Variants in NCAM1 observed in about 807,000 individuals in gnomAD.
NCAM1 encodes antigen recognized by monoclonal antibody 5.1H11.
A neutral mutation model predicts 109.8 loss-of-function variants in NCAM1; 14 were observed. The ratio of observed to expected loss-of-function variants is 0.13; its 90% CI spans 0.08 to 0.20. NCAM1 has a LOEUF of 0.20. Ranked by LOEUF, NCAM1 falls within the 10% of genes least tolerant of loss-of-function variation. The pLI is 1.00. For missense variants in NCAM1, 774 were observed against 1,109.9 expected, an observed-to-expected ratio of 0.70 and a Z score of 4.30; for synonymous variants, 418 against 442.9, an observed-to-expected ratio of 0.94 and a Z score of 0.70.
intron 1 of NCAM1, among the ~76,000 whole-genome samples, chr11:113,141,237 A>G (rs377598888): frequency 6.6e-6 from 1 of 152,208 alleles, no homozygotes; most frequent in African/African-American, 2.4e-5. Context: ...CTCTGCTGTG[A>G]TGACCTACTC....
rs139639498 is a variant in NCAM1 at position 113,258,857 on chromosome 11, G to A, written c.1954-1289G>A. On this transcript the variant is annotated intron_variant, in intron 16 of 19. Transcript: ENST00000316851. ...AAAGATCATAGTTTTGGGCCCAAAC[G>A]AACTTAGCTCCAGCCTTGACTGCAG... Among the ~76,000 whole-genome samples, 1,044 of 152,176 alleles carry A rather than the reference G, an allele frequency of 6.9e-3. 10 individuals are homozygous for A. Among genetic ancestry groups the A allele is most frequent in the Non-Finnish European group, 9.8e-3 (665 of 68,004 alleles).
chr11:113,236,376 T>C, intron 14 of NCAM1: 3 of 1,576,972 alleles, frequency 1.9e-6, no homozygotes, highest in Non-Finnish European at 2.6e-6. Flanking sequence ...CTAGTTCTAG[T>C]TCGTAATTTA....
intron 1 of NCAM1, among the ~76,000 whole-genome samples, chr11:112,974,811 T>TTGTGTG (rs34881446): frequency 2.0e-5 from 3 of 148,556 alleles, no homozygotes; most frequent in East Asian, 2.0e-4. Flanking sequence ...AGCTTACAGT[T>TTGTGTG]TGTGTGTGTG....
intron 1 of NCAM1, among the ~76,000 whole-genome samples, chr11:113,084,775 T>A (rs901064301): frequency 3.3e-5 from 5 of 152,208 alleles, no homozygotes; most frequent in Admixed American, 2.6e-4. Flanking sequence ...CCCTCCCACA[T>A]ACCAGCCATC....
At chr11:113,224,619 A>G (rs1555115876) in intron 9 of NCAM1, among the ~76,000 whole-genome samples, 1 of 152,220 alleles carries the variant, frequency 6.6e-6, no homozygotes, top group Non-Finnish European at 1.5e-5. Flanking sequence ...AGATCCGAGA[A>G]CGGACAGACT....
At chr11:112,997,547 C>T (rs1951627831) in intron 1 of NCAM1, among the ~76,000 whole-genome samples, 1 of 152,036 alleles carries the variant, frequency 6.6e-6, no homozygotes, top group African/African-American at 2.4e-5. Flanking sequence ...GTCATGAGTT[C>T]AAGGCCAGGA....
chr11:113,277,231 C>T lies in NCAM1; in HGVS notation c.*1844C>T, dbSNP rs1946414217. ...TGGGTCCATTCTGTGGGCCACTCTCCCCAACGTTCTGACACTTCTGCAGTC... is the reference window on the plus strand; with the variant it reads ...TGGGTCCATTCTGTGGGCCACTCTCTCCAACGTTCTGACACTTCTGCAGTC... On this transcript the variant is annotated 3_prime_UTR_variant, in exon 20 of 20. Coordinates refer to ENST00000316851, the MANE Select transcript of NCAM1 (RefSeq NM_181351.5). 2.5e-6 allele frequency: 1 copy of T among 397,980 alleles called. No individual in the cohort carries two copies. The highest frequency in any genetic ancestry group is 4.4e-6 in the Non-Finnish European group (1 of 225,716). 24.7% of individuals were successfully genotyped at this position (397,980 alleles called of 1,614,324 possible).
At chr11:113,024,287 CT>C (rs1335718965) in intron 1 of NCAM1, among the ~76,000 whole-genome samples, 3 of 152,208 alleles carry the variant, frequency 2.0e-5, no homozygotes, top group African/African-American at 2.4e-5. Context: ...CGGTTTTGAA[CT>C]TTAGCGAAAA....
At chr11:113,114,094 C>G (rs1024114195) in intron 1 of NCAM1, among the ~76,000 whole-genome samples, 1 of 152,218 alleles carries the variant, frequency 6.6e-6, no homozygotes, top group Non-Finnish European at 1.5e-5. Context: ...GAATATTAAA[C>G]TCTTTTTGCC....
chr11:113,094,542 A>G (rs1048693122), intron 1 of NCAM1, among the ~76,000 whole-genome samples: 1 of 151,938 alleles, frequency 6.6e-6, no homozygotes. Flanking sequence ...TCCACCCTCA[A>G]TCCTGCATTT....
chr11:113,161,973 T>C (rs567329662), intron 1 of NCAM1, among the ~76,000 whole-genome samples: 1 of 152,332 alleles, frequency 6.6e-6, no homozygotes, highest in South Asian at 2.1e-4. Context: ...CAACGTGAAA[T>C]CTTGCATGTG....
chr11:113,146,896 GA>G (rs113609450), intron 1 of NCAM1, among the ~76,000 whole-genome samples: 131 of 139,468 alleles, frequency 9.4e-4, no homozygotes, highest in Middle Eastern at 3.7e-3. Flanking sequence ...TGTGTCTTAG[GA>G]AAAAAAAAAA....
At chr11:113,179,111 A>T (rs2136555886) in intron 1 of NCAM1, among the ~76,000 whole-genome samples, 1 of 152,304 alleles carries the variant, frequency 6.6e-6, no homozygotes, top group Non-Finnish European at 1.5e-5. Context: ...GATATGGGTG[A>T]ATGCTACAAA....
At chr11:113,219,919 A>G (rs1944635780) in intron 8 of NCAM1, among the ~76,000 whole-genome samples, 1 of 152,298 alleles carries the variant, frequency 6.6e-6, no homozygotes, top group East Asian at 1.9e-4. Flanking sequence ...TCATTCCCAC[A>G]TCATGTGACA....
At chr11:113,037,252 A>T (rs1391316170) in intron 1 of NCAM1, among the ~76,000 whole-genome samples, 1 of 152,200 alleles carries the variant, frequency 6.6e-6, no homozygotes, top group African/African-American at 2.4e-5. Flanking sequence ...TTTAAGATGA[A>T]GCAATTGAAG....
At chr11:112,993,571 C>G (rs1199312678) in intron 1 of NCAM1, among the ~76,000 whole-genome samples, 4 of 152,172 alleles carry the variant, frequency 2.6e-5, no homozygotes, top group African/African-American at 9.7e-5. Context: ...CATCCCTGTA[C>G]TCCCTTCAGC....
intron 1 of NCAM1, among the ~76,000 whole-genome samples, chr11:113,059,497 T>C (rs1386582796): frequency 6.6e-6 from 1 of 152,200 alleles, no homozygotes; most frequent in African/African-American, 2.4e-5. Flanking sequence ...GCACATCTGA[T>C]ACCTCCATGC....
intron 1 of NCAM1, among the ~76,000 whole-genome samples, chr11:113,073,164 T>C (rs553279593): frequency 3.3e-5 from 5 of 152,368 alleles, no homozygotes; most frequent in African/African-American, 1.2e-4. Flanking sequence ...GGGTCATCTA[T>C]ATGAACTTCT....
At chr11:113,243,802 A>T in intron 14 of NCAM1, 2 of 258,620 alleles carry the variant, frequency 7.7e-6, no homozygotes, top group South Asian at 8.0e-5. Context: ...TATGCAAAGT[A>T]TAACTCCAGC....
Sources: allele counts gnomAD v4.1 joint callset (sites outside exome capture counted in the v4.1 genomes callset), GRCh38; gene constraint gnomAD v4.1.1; transcripts MANE v1.5; gene names NCBI Gene and HGNC (gene_info 2026-07-23, HGNC 2026-07-21).